Variants in DDX60L observed in about 807,000 individuals in gnomAD.
DDX60L encodes probable ATP-dependent RNA helicase DDX60-like.
In DDX60L, 191 loss-of-function variants were observed where a neutral mutation model predicts 211.6. That is an observed-to-expected ratio of 0.90 (90% confidence interval 0.80 to 1.02). The LOEUF (loss-of-function observed/expected upper bound fraction) is 1.02, where lower values mean the gene tolerates loss of function less well. DDX60L is among the 50% of genes least tolerant of loss of function. The pLI is 0.00. For missense variants in DDX60L, 2,007 were observed against 1,984.1 expected (o/e 1.01, Z -0.22); for synonymous variants, 706 against 694.1 (o/e 1.02, Z -0.27).
chr4:168,477,216 C>G (rs973233583), intron 1 of DDX60L, among the ~76,000 whole-genome samples: 8 of 152,060 alleles, frequency 5.3e-5, no homozygotes, highest in African/African-American at 9.7e-5. Context: ...GAGATCGAGA[C>G]CATCCTGGCT....
At chr4:168,414,164 A>G (rs1749135453) in intron 22 of DDX60L, among the ~76,000 whole-genome samples, 2 of 152,126 alleles carry the variant, frequency 1.3e-5, no homozygotes, top group Admixed American at 1.3e-4. Flanking sequence ...AGAAATAAAG[A>G]CTTCCTCAGA....
intron 30 of DDX60L, among the ~76,000 whole-genome samples, chr4:168,381,515 C>G (rs887265721): frequency 2.0e-5 from 3 of 151,916 alleles, no homozygotes; most frequent in Non-Finnish European, 4.4e-5. Context: ...AATAAATATA[C>G]TTCTTCAAAA....
chr4:168,366,774 T>A (rs1740070818), intron 36 of DDX60L, among the ~76,000 whole-genome samples: 1 of 151,988 alleles, frequency 6.6e-6, no homozygotes, highest in South Asian at 2.1e-4. Flanking sequence ...GATTCCATCA[T>A]AAAAACCACA....
chr4:168,416,040 C>T (rs1336967510), intron 20 of DDX60L, among the ~76,000 whole-genome samples: 3 of 152,144 alleles, frequency 2.0e-5, no homozygotes, highest in Non-Finnish European at 4.4e-5. Flanking sequence ...AAGGGTGTTG[C>T]GTGGCTTGAA....
Position 168,371,875 on chromosome 4 carries a change from T to C in DDX60L, c.4777-112A>G, listed in dbSNP as rs1014721616. On this transcript the variant is annotated intron_variant, in intron 35 of 37. Transcript: ENST00000682922. ...TTCTTAAAGTACGTTCTGAAGAAGT[T>C]GAAGTGAAGGAGGCAGGCAGAGGGG... 1.3e-4 allele frequency: 138 copies of C among 1,061,642 alleles called. 1 individual carries two copies. In the Admixed American group the frequency reaches 1.4e-3, roughly 11 times the overall value. The allele number at this position is 1,061,642 out of a possible 1,614,324, so 65.8% of individuals were successfully genotyped here.
chr4:168,392,103 T>C (rs926714685), intron 28 of DDX60L, among the ~76,000 whole-genome samples: 1 of 152,208 alleles, frequency 6.6e-6, no homozygotes, highest in Non-Finnish European at 1.5e-5. Context: ...CATGAATGAA[T>C]GAACAACAAG....
chr4:168,398,961 C>T (rs1021449787), intron 26 of DDX60L, among the ~76,000 whole-genome samples: 1 of 152,146 alleles, frequency 6.6e-6, no homozygotes, highest in Admixed American at 6.5e-5. Context: ...CAGAGAGGAG[C>T]AACCCACTCC....
intron 10 of DDX60L, among the ~76,000 whole-genome samples, chr4:168,436,109 A>G (rs569398220): frequency 1.3e-5 from 2 of 152,316 alleles, no homozygotes; most frequent in African/African-American, 2.4e-5. Flanking sequence ...GAATTTGGAA[A>G]GCTACATTTC....
chr4:168,378,705 C>T (rs767218570), intron 32 of DDX60L, among the ~76,000 whole-genome samples: 1 of 152,028 alleles, frequency 6.6e-6, no homozygotes, highest in Non-Finnish European at 1.5e-5. Context: ...CTATACCCGC[C>T]CTAGTTCCCA....
chr4:168,358,421 T>G, intron 37 of DDX60L, 145 bp from the exon 38 acceptor site: 1 of 587,482 alleles, frequency 1.7e-6, no homozygotes, highest in Non-Finnish European at 2.8e-6. Context: ...ATTAATAAAA[T>G]GCACAGTTAT....
chr4:168,467,736 A>G (rs1438003468), intron 4 of DDX60L, among the ~76,000 whole-genome samples: 1 of 152,210 alleles, frequency 6.6e-6, no homozygotes, highest in Non-Finnish European at 1.5e-5. Flanking sequence ...ATTTGATCAA[A>G]TTTTATCAAA....
chr4:168,370,837 GAC>G (rs1560930743), intron 36 of DDX60L, among the ~76,000 whole-genome samples: 1,530 of 152,154 alleles, frequency 0.01, 27 homozygotes, highest in African/African-American at 0.034. Flanking sequence ...TTAAAAGCAT[GAC>G]TTTCCCCATT....
chr4:168,462,465 GA>G (rs553560202), intron 4 of DDX60L, among the ~76,000 whole-genome samples: 2,623 of 146,470 alleles, frequency 0.018, 59 homozygotes, highest in South Asian at 0.087. Flanking sequence ...ATTTACAAGA[GA>G]AAAAAAAAAC....
chr4:168,437,487 A>G lies in DDX60L; in HGVS notation c.1294+3850T>C, dbSNP rs1375544797. Among the ~76,000 whole-genome samples, 4 of 150,500 alleles carry G rather than the reference A, an allele frequency of 2.7e-5. No homozygotes were observed. The East Asian group carries it at 7.7e-4, about 29-fold the overall frequency. On this transcript the variant is annotated intron_variant, in intron 10 of 37. Transcript: ENST00000682922. ...TAAAATCCAAAGTCCAACCCCCGCA[A>G]CTAACTGAATGGACCCCCTAATGGC...
chr4:168,390,070 C>T (rs1044579660), intron 29 of DDX60L: 2 of 937,362 alleles, frequency 2.1e-6, no homozygotes, highest in African/African-American at 1.8e-5. Context: ...AGGTCTGCCA[C>T]CTGACCCTCG....
intron 7 of DDX60L, among the ~76,000 whole-genome samples, 155 bp downstream of exon 7, chr4:168,455,884 G>A (rs1756503512): frequency 6.6e-6 from 1 of 152,056 alleles, no homozygotes; most frequent in African/African-American, 2.4e-5. Context: ...CACATAAATT[G>A]GTGGGGGAAG....
chr4:168,366,571 A>T (rs1365992669), intron 36 of DDX60L, among the ~76,000 whole-genome samples: 1 of 152,050 alleles, frequency 6.6e-6, no homozygotes, highest in African/African-American at 2.4e-5. Flanking sequence ...ATGATCTATA[A>T]ATTTAATACA....
chr4:168,416,904 T>C, intron 19 of DDX60L, 107 bp from the exon 20 acceptor site: 2 of 560,336 alleles, frequency 3.6e-6, no homozygotes, highest in South Asian at 2.8e-5. Context: ...ATAAATGACC[T>C]AACCTAAATA....
At chr4:168,390,997 T>C (rs573428085) in intron 29 of DDX60L, among the ~76,000 whole-genome samples, 13 of 151,348 alleles carry the variant, frequency 8.6e-5, no homozygotes, top group South Asian at 6.3e-4. Context: ...CCCAAGAAGG[T>C]GAATGGTATT....
Sources: allele counts gnomAD v4.1 joint callset (sites outside exome capture counted in the v4.1 genomes callset), GRCh38; gene constraint gnomAD v4.1.1; transcripts MANE v1.5; gene names NCBI Gene and HGNC (gene_info 2026-07-23, HGNC 2026-07-21).